PCDH15: variants seen among roughly 807,000 people sequenced by gnomAD.
The protein encoded by PCDH15 is protocadherin related 15.
In PCDH15, 129 loss-of-function variants were observed where a neutral mutation model predicts 178.5. That is an observed-to-expected ratio of 0.72 (90% CI 0.63 to 0.84). PCDH15 has a LOEUF of 0.84. Among genes scored for constraint, PCDH15 ranks in the 40% least tolerant of loss-of-function variants. The probability of loss-of-function intolerance (pLI) is 0.00; values close to 1 mark genes in which losing one functional copy is unlikely to be tolerated. For synonymous variants in PCDH15, 800 were observed against 732.0 expected, an observed-to-expected ratio of 1.09 and a Z score of -1.50; for missense variants, 2,230 against 2,099.9, an observed-to-expected ratio of 1.06 and a Z score of -1.21.
chr10:55,505,759 C>T (rs892475391), intron 2 of PCDH15, among the ~76,000 whole-genome samples: 2 of 151,382 alleles, frequency 1.3e-5, no homozygotes, highest in South Asian at 2.1e-4. Context: ...TATATCCTAC[C>T]TAAAATGACA....
intron 2 of PCDH15, among the ~76,000 whole-genome samples, chr10:55,572,955 C>T (rs1056769013): frequency 2.0e-5 from 3 of 152,154 alleles, no homozygotes; most frequent in African/African-American, 7.2e-5. Flanking sequence ...AACAAATACA[C>T]TGATCTGTTT....
At chr10:54,720,005 C>T (rs1328021002) in intron 1 of PCDH15, among the ~76,000 whole-genome samples, 1 of 151,896 alleles carries the variant, frequency 6.6e-6, no homozygotes, top group Non-Finnish European at 1.5e-5. Flanking sequence ...TACCATCTCA[C>T]ACCAGTCAGA....
chr10:55,093,479 T>C (rs569295175), intron 2 of PCDH15, among the ~76,000 whole-genome samples: 2 of 152,122 alleles, frequency 1.3e-5, no homozygotes, highest in African/African-American at 4.8e-5. Flanking sequence ...GCTCTTTAGT[T>C]GAATTAGATC....
At chr10:55,383,918 C>T (rs1156807758) in intron 2 of PCDH15, among the ~76,000 whole-genome samples, 2 of 151,930 alleles carry the variant, frequency 1.3e-5, no homozygotes, top group South Asian at 4.2e-4. Flanking sequence ...AAAGCACATT[C>T]AAAATTATGT....
chr10:54,447,691 T>A (rs564786867), intron 3 of PCDH15, among the ~76,000 whole-genome samples: 4 of 151,730 alleles, frequency 2.6e-5, no homozygotes, highest in African/African-American at 9.7e-5. Flanking sequence ...ATGGTAGTAA[T>A]AGCCTAAGAA....
intron 2 of PCDH15, among the ~76,000 whole-genome samples, chr10:55,427,884 T>C (rs1838794299): frequency 6.6e-6 from 1 of 152,106 alleles, no homozygotes; most frequent in African/African-American, 2.4e-5. Context: ...CCAAATAGCA[T>C]TTTAAAGAAT....
intron 15 of PCDH15, among the ~76,000 whole-genome samples, chr10:54,108,177 T>TGAGC (rs2094951008): frequency 6.6e-6 from 1 of 152,050 alleles, no homozygotes; most frequent in African/African-American, 2.4e-5. Context: ...AAATGTCAGG[T>TGAGC]GAGCACTCAC....
intron 1 of PCDH15, among the ~76,000 whole-genome samples, chr10:55,177,744 C>T (rs1384701248): frequency 6.6e-6 from 1 of 152,144 alleles, no homozygotes; most frequent in Non-Finnish European, 1.5e-5. Context: ...AGCCACCTTC[C>T]TTCCAGAAAA....
chr10:54,125,266 A>G (rs1002724007), intron 15 of PCDH15, among the ~76,000 whole-genome samples: 3 of 152,028 alleles, frequency 2.0e-5, no homozygotes, highest in African/African-American at 7.2e-5. Flanking sequence ...CTGTTATTGC[A>G]GTTTCCAACA....
At chr10:53,818,989 G>GTAAA (rs141007187) in intron 33 of PCDH15, among the ~76,000 whole-genome samples, 4,633 of 152,034 alleles carry the variant, frequency 0.03, 139 homozygotes, top group East Asian at 0.15. Context: ...GTAAAAAAAA[G>GTAAA]TAAATACAAT....
At chr10:54,574,808 C>T (rs935813855) in intron 2 of PCDH15, among the ~76,000 whole-genome samples, 6 of 146,448 alleles carry the variant, frequency 4.1e-5, no homozygotes, top group African/African-American at 7.5e-5. Context: ...GGGTATATAC[C>T]CAAAGGACTA....
At chr10:54,253,295 TAC>T (rs928787339) in intron 8 of PCDH15, among the ~76,000 whole-genome samples, 34 of 152,236 alleles carry the variant, frequency 2.2e-4, no homozygotes, top group African/African-American at 7.9e-4. Flanking sequence ...TGCATTTTCC[TAC>T]AGTTTTTTTG....
At chr10:54,382,159 C>T (rs555561576) in intron 3 of PCDH15, among the ~76,000 whole-genome samples, 145 of 152,196 alleles carry the variant, frequency 9.5e-4, no homozygotes, top group African/African-American at 3.3e-3. Flanking sequence ...GGGATTTGTG[C>T]TTCATCCTTT....
intron 3 of PCDH15, among the ~76,000 whole-genome samples, chr10:54,830,636 A>AT (rs1306303974): frequency 6.6e-6 from 1 of 152,062 alleles, no homozygotes; most frequent in Admixed American, 6.6e-5. Flanking sequence ...CTAATGCTAA[A>AT]TGACGAGTTA....
At chr10:54,756,146 A>G (rs1013639560) in intron 1 of PCDH15, among the ~76,000 whole-genome samples, 6 of 151,684 alleles carry the variant, frequency 4.0e-5, no homozygotes, top group African/African-American at 1.2e-4. Flanking sequence ...GCTACTCAGG[A>G]GGCTGAGGCA....
At position 55,325,223 on chromosome 10, in the gene PCDH15, T is replaced by C. The variant is rs554983295; in HGVS notation, c.-155-158572A>G. ...CTTTAAATAATGAGAAAAAATGATC[T>C]TAAAATTCATATGGAACCAAAAAAA... is the stretch of plus-strand genomic sequence containing the variant. On this transcript the variant is annotated intron_variant, in intron 2 of 5. Transcript: ENST00000613346. 1.1e-4 allele frequency among the ~76,000 whole-genome samples: 16 copies of C among 152,200 alleles called. No individual in the cohort carries two copies. In the South Asian group the frequency reaches 3.1e-3, roughly 30 times the overall value.
At chr10:55,586,298 T>C (rs987078152) in intron 2 of PCDH15, among the ~76,000 whole-genome samples, 2 of 151,868 alleles carry the variant, frequency 1.3e-5, no homozygotes, top group African/African-American at 4.8e-5. Flanking sequence ...TTTCAAATAA[T>C]AATATTATTT....
chr10:53,872,306 C>T (rs1176509937), intron 26 of PCDH15, among the ~76,000 whole-genome samples: 1 of 152,112 alleles, frequency 6.6e-6, no homozygotes, highest in East Asian at 1.9e-4. Flanking sequence ...TAGTCTTTTG[C>T]CTTAGGGAGA....
chr10:54,727,794 T>A (rs1427017673), intron 1 of PCDH15, among the ~76,000 whole-genome samples: 1 of 151,490 alleles, frequency 6.6e-6, no homozygotes, highest in Non-Finnish European at 1.5e-5. Context: ...CCTCAGAGAA[T>A]CTGGTGCAGA....
Sources: gnomAD v4.1 joint callset for allele counts (sites outside exome capture counted in the v4.1 genomes callset) on GRCh38, gnomAD v4.1.1 for gene constraint, MANE v1.5 for transcripts, NCBI Gene and HGNC (gene_info 2026-07-23, HGNC 2026-07-21) for gene names.